EHD4: variants seen among roughly 807,000 people sequenced by gnomAD.
The protein encoded by EHD4 is EH domain-containing protein 4.
Under a neutral mutation model 51.0 loss-of-function variants are expected in EHD4, and 37 were observed. The observed-to-expected ratio is 0.73, with a 90% CI of 0.56 to 0.95. The LOEUF is 0.95. EHD4 is among the 40% of genes least tolerant of loss of function. The probability of loss-of-function intolerance (pLI) is 0.00; values close to 1 mark genes in which losing one functional copy is unlikely to be tolerated. For missense variants in EHD4, 632 were observed against 733.1 expected, an observed-to-expected ratio of 0.86 and a Z score of 1.59; for synonymous variants, 297 against 317.3, an observed-to-expected ratio of 0.94 and a Z score of 0.68.
chr15:41,950,960 T>C (rs2067848902), intron 2 of EHD4, among the ~76,000 whole-genome samples: 2 of 152,186 alleles, frequency 1.3e-5, no homozygotes. Flanking sequence ...ATCACCGTCA[T>C]CTTCATCATC....
intron 3 of EHD4, among the ~76,000 whole-genome samples, chr15:41,926,890 C>A (rs2067665701): frequency 6.6e-6 from 1 of 152,220 alleles, no homozygotes; most frequent in Non-Finnish European, 1.5e-5. Flanking sequence ...AGCCACTCAT[C>A]CCTCTGGGGA....
chr15:41,967,898 G>A (rs760874153), intron 1 of EHD4, among the ~76,000 whole-genome samples: 4 of 152,176 alleles, frequency 2.6e-5, no homozygotes, highest in Non-Finnish European at 5.9e-5. Context: ...CCATGTGTCC[G>A]GCCAGAGATT....
intron 4 of EHD4, among the ~76,000 whole-genome samples, chr15:41,910,492 A>T (rs2067542503): frequency 6.6e-6 from 1 of 152,174 alleles, no homozygotes; most frequent in Non-Finnish European, 1.5e-5. Flanking sequence ...AGGGGCGAGA[A>T]TCTGGCCTCA....
At chr15:41,959,815 C>T (rs113250378) in intron 1 of EHD4, among the ~76,000 whole-genome samples, 14,582 of 151,910 alleles carry the variant, frequency 0.096, 845 homozygotes, top group South Asian at 0.26. Context: ...ACTAAAAGCA[C>T]AAAAATTAGC....
intron 4 of EHD4, among the ~76,000 whole-genome samples, chr15:41,914,124 T>C (rs1380289890): frequency 6.6e-6 from 1 of 151,832 alleles, no homozygotes; most frequent in Non-Finnish European, 1.5e-5. Context: ...GCTTGGAGGG[T>C]AACTTCAGCG....
intron 3 of EHD4, chr15:41,941,976 A>C (rs530622392): frequency 6.6e-6 from 1 of 152,312 alleles, no homozygotes; most frequent in African/African-American, 2.4e-5. Context: ...GGTGCTACCG[A>C]CTTGCTGTTC....
intron 4 of EHD4, among the ~76,000 whole-genome samples, chr15:41,916,358 A>G (rs2067583465): frequency 6.6e-6 from 1 of 152,230 alleles, no homozygotes; most frequent in Admixed American, 6.5e-5. Flanking sequence ...TGCAGCTTAC[A>G]GGCTGTGAAG....
chr15:41,929,094 C>T (rs1269703154), intron 3 of EHD4, among the ~76,000 whole-genome samples: 3 of 152,116 alleles, frequency 2.0e-5, no homozygotes, highest in Non-Finnish European at 4.4e-5. Flanking sequence ...CAGTACCTAG[C>T]CTAAAGTGGG....
intron 4 of EHD4, among the ~76,000 whole-genome samples, chr15:41,912,992 A>G (rs2067559967): frequency 2.0e-5 from 3 of 152,232 alleles, no homozygotes; most frequent in Non-Finnish European, 4.4e-5. Flanking sequence ...ACTGTGTCCC[A>G]TAGAATGAGT....
At chr15:41,922,140 G>A (rs2067630433) in intron 3 of EHD4, among the ~76,000 whole-genome samples, 1 of 152,194 alleles carries the variant, frequency 6.6e-6, no homozygotes, top group African/African-American at 2.4e-5. Context: ...TGTAATTCCA[G>A]CACTCTGGGA....
chr15:41,952,210 G>A (rs1315087923), intron 2 of EHD4, among the ~76,000 whole-genome samples: 6 of 152,168 alleles, frequency 3.9e-5, no homozygotes, highest in Middle Eastern at 3.2e-3. Flanking sequence ...GGAGCTGCGC[G>A]ATGAGGCGCT....
At position 41,899,763 on chromosome 15, in the gene EHD4, CTCTTT is replaced by C. The variant is rs2067463354; in HGVS notation, c.*877_*881del. The C allele has an allele frequency of 6.6e-6, 1 of 152,214 alleles. No individual in the cohort carries two copies. Among genetic ancestry groups the C allele is most frequent in the Non-Finnish European group, 1.5e-5 (1 of 68,046 alleles). The allele number at this position is 152,214 out of a possible 1,614,324, so 9.4% of individuals were successfully genotyped here. ...CTAAACGATCACTGCAGAGAACCACCTCTTTTCTTTACTGTAGTTTAAGTATGATA... is the reference window on the plus strand; with the variant it reads ...CTAAACGATCACTGCAGAGAACCACCTCTTTACTGTAGTTTAAGTATGATA... On this transcript the variant is annotated 3_prime_UTR_variant, in exon 6 of 6. Coordinates refer to ENST00000220325, the MANE Select transcript of EHD4 (RefSeq NM_139265.4).
chr15:41,911,078 G>T (rs944482866), intron 4 of EHD4, among the ~76,000 whole-genome samples: 7 of 152,130 alleles, frequency 4.6e-5, no homozygotes, highest in African/African-American at 1.4e-4. Flanking sequence ...CTCAGCTGAG[G>T]GCCCGTGTGT....
intron 3 of EHD4, among the ~76,000 whole-genome samples, chr15:41,939,511 A>C (rs1323683664): frequency 1.3e-5 from 2 of 152,050 alleles, no homozygotes; most frequent in African/African-American, 4.8e-5. Context: ...AGTTTGGCCA[A>C]TATGGTTACC....
At chr15:41,944,384 G>C (rs1322217667) in intron 2 of EHD4, among the ~76,000 whole-genome samples, 2 of 152,264 alleles carry the variant, frequency 1.3e-5, no homozygotes, top group East Asian at 3.9e-4. Flanking sequence ...CTTTACTATG[G>C]ATGGCTGACA....
rs777607102 is a variant in EHD4, at chr15:41,901,045, G to A, written c.1226C>T (p.Thr409Met). The change falls in exon 6 of 6, where the codon ACG (threonine) becomes ATG (methionine). Residue 409 changes from threonine to methionine, a missense_variant. Coordinates refer to ENST00000220325, the MANE Select transcript of EHD4 (RefSeq NM_139265.4). ...LISQEETSTP[T>M]QLVQGGAFDG... ...GAAGGCGCCGCCCTGCACCAGCTGC[G>A]TGGGCGTGCTCGTCTCCTCCTGGCT... is the stretch of plus-strand genomic sequence containing the variant. 6 of 1,612,552 alleles carry A rather than the reference G, an allele frequency of 3.7e-6. No individual in the cohort carries two copies. The highest frequency in any genetic ancestry group is 1.7e-5 in the Admixed American group (1 of 59,910).
At chr15:41,937,012 T>G (rs1667335725) in intron 3 of EHD4, among the ~76,000 whole-genome samples, 1 of 152,348 alleles carries the variant, frequency 6.6e-6, no homozygotes, top group Non-Finnish European at 1.5e-5. Context: ...CCTCCAGGGA[T>G]GGACACTTTT....
At chr15:41,937,955 T>C (rs1387199370) in intron 3 of EHD4, among the ~76,000 whole-genome samples, 1 of 152,216 alleles carries the variant, frequency 6.6e-6, no homozygotes, top group Non-Finnish European at 1.5e-5. Context: ...ACATATATAA[T>C]GAGAGATCTT....
rs1473018012 is a variant in EHD4, at chr15:41,899,293, G to A, written c.*1352C>T. The A allele has an allele frequency of 6.6e-6, 1 of 152,180 alleles. No homozygotes were observed. Among genetic ancestry groups the A allele is most frequent in the African/African-American group, 2.4e-5 (1 of 41,424 alleles). 9.4% of individuals were successfully genotyped at this position (152,180 alleles called of 1,614,324 possible). On this transcript the variant is annotated 3_prime_UTR_variant, in exon 6 of 6. Transcript: ENST00000220325. ...CCAAGCTGGTGCCCACAGAGGGGGA[G>A]GCACCTCCACCTGACGCAGGTGTCT...
Sources: gnomAD v4.1 joint callset for allele counts (sites outside exome capture counted in the v4.1 genomes callset) on GRCh38, gnomAD v4.1.1 for gene constraint, MANE v1.5 for transcripts, NCBI Gene and HGNC (gene_info 2026-07-23, HGNC 2026-07-21) for gene names.